The following PPP1R9A variants were observed in gnomAD, a reference collection of about 807,000 sequenced individuals.
The protein encoded by PPP1R9A is neurabin-1.
PPP1R9A carries 59 observed loss-of-function variants against 141.9 expected under a neutral mutation model. That is an observed-to-expected ratio of 0.42 (90% CI 0.34 to 0.52). The LOEUF is 0.52. Among genes scored for constraint, PPP1R9A ranks in the 20% least tolerant of loss-of-function variants. The probability of loss-of-function intolerance (pLI) is 0.10; values close to 1 mark genes in which losing one functional copy is unlikely to be tolerated. For synonymous variants in PPP1R9A, 500 were observed against 569.7 expected (o/e 0.88, Z 1.74); for missense variants, 1,444 against 1,611.9 (o/e 0.90, Z 1.78).
chr7:94,996,468 G>A (rs564964438), intron 2 of PPP1R9A, among the ~76,000 whole-genome samples: 7 of 152,240 alleles, frequency 4.6e-5, no homozygotes, highest in Admixed American at 4.6e-4. Flanking sequence ...GATGAGTTAA[G>A]ATTTTCTCTT....
chr7:95,062,164 G>T (rs1427955674), intron 2 of PPP1R9A, among the ~76,000 whole-genome samples: 1 of 152,116 alleles, frequency 6.6e-6, no homozygotes. Context: ...CATGCATTAG[G>T]TGGCCCTTGA....
intron 2 of PPP1R9A, among the ~76,000 whole-genome samples, chr7:94,967,213 C>A (rs1441578834): frequency 6.6e-6 from 1 of 151,640 alleles, no homozygotes; most frequent in Non-Finnish European, 1.5e-5. Flanking sequence ...CCCTTTTTTT[C>A]TTTATTAGTC....
At position 94,911,423 on chromosome 7, in the gene PPP1R9A, T is replaced by C. The variant is rs769120175; in HGVS notation, c.1310T>C (p.Met437Thr). Residue 437 changes from methionine to threonine, a missense_variant, in exon 2 of 20, where the codon ATG (methionine) becomes ACG (threonine). Around this residue, in one of 5 missense-constraint regions of PPP1R9A, gnomAD observed 490 missense variants for 521.1 expected, o/e 0.94. Transcript: ENST00000433360. ...SDENSYYQPD[M>T]EYSEIVGLPE... is the part of the protein sequence containing the mutation. ...GAGAACAGTTACTATCAGCCTGATA[T>C]GGAGTACTCGGAAATTGTTGGATTG... 6 of 1,613,844 alleles carry C rather than the reference T, an allele frequency of 3.7e-6. No homozygotes were observed. In the Admixed American group the frequency reaches 5.0e-5, roughly 13 times the overall value.
At chr7:95,087,989 C>T (rs557036167) in intron 2 of PPP1R9A, among the ~76,000 whole-genome samples, 1 of 150,748 alleles carries the variant, frequency 6.6e-6, no homozygotes, top group South Asian at 2.1e-4. Flanking sequence ...CTGGAGATAC[C>T]AGTAAGAGTG....
At chr7:95,266,997 T>C (rs1237932209) in intron 12 of PPP1R9A, among the ~76,000 whole-genome samples, 1 of 152,158 alleles carries the variant, frequency 6.6e-6, no homozygotes, top group African/African-American at 2.4e-5. Context: ...AGCTGTTCTT[T>C]ATAAGTACCT....
At position 95,120,719 on chromosome 7, in the gene PPP1R9A, T is replaced by C. The variant is rs771461685; in HGVS notation, c.1536T>C (p.Asp512=). 6.2e-7 allele frequency: 1 copy of C among 1,611,924 alleles called. No individual in the cohort carries two copies. Among genetic ancestry groups the C allele is most frequent in the South Asian group, 1.1e-5 (1 of 90,372 alleles). ...LFPVELEKDE[D]GLGISIIGMG... is the part of the protein sequence containing the mutation. ...TTTTTTTCTTTTTAATAGATGAGGA[T>C]GGTCTTGGTATAAGTATTATTGGAA... is the stretch of plus-strand genomic sequence containing the variant. Residue 512 remains aspartate (D), a synonymous_variant, in exon 4 of 20, where the codon GAT becomes GAC. Transcript: ENST00000433360.
intron 2 of PPP1R9A, among the ~76,000 whole-genome samples, chr7:95,069,790 G>A (rs1337224547): frequency 6.6e-6 from 1 of 152,082 alleles, no homozygotes; most frequent in African/African-American, 2.4e-5. Context: ...GAGACCAAGC[G>A]AAGAGACAGC....
intron 2 of PPP1R9A, among the ~76,000 whole-genome samples, chr7:94,934,565 TCAAAA>T: frequency 6.6e-6 from 1 of 152,016 alleles, no homozygotes. Context: ...AGAAAATATG[TCAAAA>T]CAAATATAGT....
chr7:94,983,595 G>A (rs1312265679), intron 2 of PPP1R9A, among the ~76,000 whole-genome samples: 1 of 152,068 alleles, frequency 6.6e-6, no homozygotes, highest in South Asian at 2.1e-4. Context: ...TGTAGCAATT[G>A]TGAATGAGGG....
At chr7:95,165,819 G>A (rs1291399444) in intron 5 of PPP1R9A, among the ~76,000 whole-genome samples, 2 of 152,102 alleles carry the variant, frequency 1.3e-5, no homozygotes, top group Non-Finnish European at 2.9e-5. Flanking sequence ...TGAGGAGGAA[G>A]CTGGTGAGGG....
intron 2 of PPP1R9A, among the ~76,000 whole-genome samples, chr7:94,980,790 G>A (rs1345157299): frequency 6.6e-6 from 1 of 151,904 alleles, no homozygotes; most frequent in Non-Finnish European, 1.5e-5. Flanking sequence ...CTTATGAGAA[G>A]GATAAAAATA....
intron 5 of PPP1R9A, among the ~76,000 whole-genome samples, chr7:95,172,152 A>C (rs1233045090): frequency 4.0e-5 from 6 of 151,648 alleles, no homozygotes; most frequent in African/African-American, 1.2e-4. Context: ...AACATTCTTA[A>C]TGGTGAAAGA....
At chr7:94,973,898 G>A (rs1053561972) in intron 2 of PPP1R9A, among the ~76,000 whole-genome samples, 5 of 151,724 alleles carry the variant, frequency 3.3e-5, no homozygotes, top group Non-Finnish European at 5.9e-5. Context: ...TTTATTTTTC[G>A]TAGAGACAGG....
intron 5 of PPP1R9A, among the ~76,000 whole-genome samples, chr7:95,193,590 C>T (rs1483000945): frequency 6.6e-6 from 1 of 151,724 alleles, no homozygotes; most frequent in Non-Finnish European, 1.5e-5. Context: ...ACAGATAATT[C>T]TGGTTTGGAA....
At chr7:95,062,617 A>G (rs1812387210) in intron 2 of PPP1R9A, among the ~76,000 whole-genome samples, 1 of 151,576 alleles carries the variant, frequency 6.6e-6, no homozygotes, top group African/African-American at 2.4e-5. Flanking sequence ...TGAACTCCTG[A>G]CCTCAGGTGA....
At chr7:95,143,145 G>T (rs1350706707) in intron 4 of PPP1R9A, among the ~76,000 whole-genome samples, 1 of 152,020 alleles carries the variant, frequency 6.6e-6, no homozygotes, top group African/African-American at 2.4e-5. Context: ...TTATATAGCT[G>T]CCCATATTAT....
At chr7:94,996,978 A>G (rs1311681849) in intron 2 of PPP1R9A, among the ~76,000 whole-genome samples, 6 of 151,630 alleles carry the variant, frequency 4.0e-5, no homozygotes, top group Admixed American at 2.0e-4. Flanking sequence ...AATTTTTTGT[A>G]TTTGGTAGAG....
At chr7:95,200,675 G>T (rs1258576963) in intron 6 of PPP1R9A, among the ~76,000 whole-genome samples, 1 of 152,170 alleles carries the variant, frequency 6.6e-6, no homozygotes, top group Admixed American at 6.5e-5. Flanking sequence ...TTAAATGGAA[G>T]ATTGTTTATA....
intron 2 of PPP1R9A, among the ~76,000 whole-genome samples, chr7:95,030,549 C>A (rs760396033): frequency 6.6e-6 from 1 of 151,944 alleles, no homozygotes; most frequent in Non-Finnish European, 1.5e-5. Context: ...CTGACATATA[C>A]TTTTAGATGT....
Sources: gnomAD v4.1 joint callset for allele counts (sites outside exome capture counted in the v4.1 genomes callset) on GRCh38, gnomAD v4.1.1 for gene constraint, gnomAD v4.1.1 regional missense constraint, MANE v1.5 for transcripts, NCBI Gene and HGNC (gene_info 2026-07-23, HGNC 2026-07-21) for gene names.